Variants in PCSK6 observed in about 807,000 individuals in gnomAD.
PCSK6 encodes paired basic amino acid cleaving enzyme 4.
PCSK6 carries 85 observed loss-of-function variants against 123.3 expected under a neutral mutation model. The ratio of observed to expected loss-of-function variants is 0.69; its 90% CI spans 0.58 to 0.83. The LOEUF (loss-of-function observed/expected upper bound fraction) is 0.83, where lower values mean the gene tolerates loss of function less well. Among genes scored for constraint, PCSK6 ranks in the 40% least tolerant of loss-of-function variants. PCSK6 has a pLI of 0.00. For missense variants in PCSK6, 1,191 were observed against 1,282.3 expected (o/e 0.93, Z 1.09); for synonymous variants, 508 against 516.0 (o/e 0.98, Z 0.21).
chr15:101,320,432 GCTT>G (rs898736051), intron 18 of PCSK6, among the ~76,000 whole-genome samples: 90 of 152,348 alleles, frequency 5.9e-4, no homozygotes, highest in African/African-American at 2.1e-3. Flanking sequence ...CTGGAGAACT[GCTT>G]GGTGTGTGGG....
rs2041556747 is a variant in PCSK6, at chr15:101,370,663, C to T, written c.1533-140G>A. The T allele has an allele frequency of 1.4e-5, 9 of 638,696 alleles. No homozygotes were observed. In the South Asian group the frequency reaches 3.4e-4, roughly 24 times the overall value. The allele number at this position is 638,696 out of a possible 1,614,324, so 39.6% of individuals were successfully genotyped here. A position where few individuals can be genotyped will look rare whatever the true frequency, so the allele number is the denominator to read the frequency against. ...GGGCCCCGGGGAGCCGCAGCAGCCT[C>T]TGACTGCCTCACGTGGATGCTCCAC... is the stretch of plus-strand genomic sequence containing the variant. On this transcript the variant is annotated intron_variant, in intron 11 of 21. Transcript: ENST00000611716.
chr15:101,390,438 G>A (rs1256214458), intron 8 of PCSK6, among the ~76,000 whole-genome samples: 1 of 129,598 alleles, frequency 7.7e-6, no homozygotes, highest in East Asian at 2.3e-4. Context: ...CTTAAACCAG[G>A]AAGATTATCC....
At chr15:101,486,424 A>T (rs2058022701) in intron 1 of PCSK6, among the ~76,000 whole-genome samples, 5 of 151,954 alleles carry the variant, frequency 3.3e-5, no homozygotes, top group Admixed American at 3.3e-4. Context: ...TTGCTGATCA[A>T]CTCCCTTATT....
chr15:101,366,172 A>G, intron 13 of PCSK6, 24 bp downstream of exon 13: 2 of 1,602,632 alleles, frequency 1.2e-6, no homozygotes. Context: ...AAAAGCTGTC[A>G]TGAGATTCCC....
At chr15:101,343,501 C>T (rs1327731170) in intron 13 of PCSK6, among the ~76,000 whole-genome samples, 1 of 152,126 alleles carries the variant, frequency 6.6e-6, no homozygotes, top group Non-Finnish European at 1.5e-5. Context: ...TGTCTAACTA[C>T]AGCTTTAGCT....
chr15:101,403,903 T>C (rs1331730488), intron 6 of PCSK6, among the ~76,000 whole-genome samples: 1 of 152,156 alleles, frequency 6.6e-6, no homozygotes, highest in Admixed American at 6.5e-5. Flanking sequence ...TGCTTTTTAG[T>C]AGAAACGGGG....
chr15:101,322,175 C>T (rs1478546209), intron 18 of PCSK6, among the ~76,000 whole-genome samples: 7 of 152,234 alleles, frequency 4.6e-5, no homozygotes, highest in East Asian at 3.9e-4. Flanking sequence ...GTGGGTGAGC[C>T]GCTACAGCCC....
intron 6 of PCSK6, among the ~76,000 whole-genome samples, chr15:101,400,461 G>T (rs2042555585): frequency 6.6e-6 from 1 of 152,138 alleles, no homozygotes; most frequent in Non-Finnish European, 1.5e-5. Context: ...TCAACACGTA[G>T]TGCATACTCA....
chr15:101,316,910 G>GTTTTTGTTTTTTT (rs2040002295), intron 19 of PCSK6, among the ~76,000 whole-genome samples: 1 of 114,972 alleles, frequency 8.7e-6, no homozygotes, highest in African/African-American at 3.9e-5. Flanking sequence ...ACTTAATTCT[G>GTTTTTGTTTTTTT]TTTTTTTTTT....
chr15:101,427,743 A>T lies in PCSK6; in HGVS notation c.823+149T>A. 4.9e-6 allele frequency: 3 copies of T among 607,038 alleles called. No individual in the cohort carries two copies. The South Asian group carries it at 6.1e-5, about 12-fold the overall frequency. 37.6% of individuals were successfully genotyped at this position (607,038 alleles called of 1,614,324 possible). A position where few individuals can be genotyped will look rare whatever the true frequency, so the allele number is the denominator to read the frequency against. ...CTGTGGGTCAGCTGCCTGGGCCATGATACAGACGGCACTGCTGCGTCTGGC... is the reference window on the plus strand; with the variant it reads ...CTGTGGGTCAGCTGCCTGGGCCATGTTACAGACGGCACTGCTGCGTCTGGC... On this transcript the variant is annotated intron_variant, in intron 6 of 21. Coordinates refer to ENST00000611716, the MANE Select transcript of PCSK6 (RefSeq NM_002570.5).
chr15:101,391,992 C>T (rs547721876), intron 8 of PCSK6, among the ~76,000 whole-genome samples: 6 of 152,342 alleles, frequency 3.9e-5, no homozygotes, highest in Admixed American at 6.5e-5. Flanking sequence ...CACACGCTGA[C>T]GTGATTCGTA....
chr15:101,354,668 A>G (rs188448839), intron 13 of PCSK6, among the ~76,000 whole-genome samples: 1 of 152,386 alleles, frequency 6.6e-6, no homozygotes, highest in African/African-American at 2.4e-5. Context: ...CTCTTCACGT[A>G]ATGGAAATTC....
Position 101,305,116 on chromosome 15 carries a change from T to TG in PCSK6, c.*141dup. 1.5e-6 allele frequency: 1 copy of TG among 665,824 alleles called. No individual in the cohort carries two copies. The highest frequency in any genetic ancestry group is 2.6e-6 in the Non-Finnish European group (1 of 384,330). The allele number at this position is 665,824 out of a possible 1,614,324, so 41.2% of individuals were successfully genotyped here. A position where few individuals can be genotyped will look rare whatever the true frequency, so the allele number is the denominator to read the frequency against. ...AGAGCCACCACCCACCTGGCTTGGG[T>TG]GCTCAGAGATGCTGCTCCTGGGGAG... On this transcript the variant is annotated 3_prime_UTR_variant, in exon 22 of 22. Coordinates refer to ENST00000611716, the MANE Select transcript of PCSK6 (RefSeq NM_002570.5). The surrounding 1 kb of genome is among the most constrained non-coding windows in gnomAD (Gnocchi z 4.8).
At chr15:101,394,994 G>C (rs2042361988) in intron 7 of PCSK6, among the ~76,000 whole-genome samples, 1 of 152,064 alleles carries the variant, frequency 6.6e-6, no homozygotes, top group African/African-American at 2.4e-5. Flanking sequence ...CAGGAAGGTG[G>C]TGTGTGTGTG....
At chr15:101,358,766 G>T (rs1383294941) in intron 13 of PCSK6, among the ~76,000 whole-genome samples, 1 of 152,210 alleles carries the variant, frequency 6.6e-6, no homozygotes, top group Non-Finnish European at 1.5e-5. Flanking sequence ...CTTGGCCTTT[G>T]TTTGAGCCCC....
At chr15:101,489,008 C>T (rs1244468553) in intron 1 of PCSK6, among the ~76,000 whole-genome samples, 23 of 150,214 alleles carry the variant, frequency 1.5e-4, no homozygotes, top group Admixed American at 1.5e-3. Context: ...CGCGCGACGC[C>T]TGAGGCAGCC....
At chr15:101,476,815 T>C (rs1282900380) in intron 1 of PCSK6, among the ~76,000 whole-genome samples, 1 of 152,228 alleles carries the variant, frequency 6.6e-6, no homozygotes. Context: ...ATGCAATGTA[T>C]AATTTTTTAA....
At chr15:101,350,788 A>T (rs74041007) in intron 13 of PCSK6, among the ~76,000 whole-genome samples, 2,322 of 152,334 alleles carry the variant, frequency 0.015, 63 homozygotes, top group African/African-American at 0.052. Context: ...CTCCCCTTAA[A>T]GTGTGCTTGT....
intron 15 of PCSK6, among the ~76,000 whole-genome samples, chr15:101,331,375 C>T (rs1262461810): frequency 6.6e-6 from 1 of 152,240 alleles, no homozygotes; most frequent in African/African-American, 2.4e-5. Flanking sequence ...AGGATCTCTG[C>T]CACGAAGTCC....
Sources: allele counts gnomAD v4.1 joint callset (sites outside exome capture counted in the v4.1 genomes callset), GRCh38; gene constraint gnomAD v4.1.1; non-coding constraint Gnocchi (gnomAD v3.1); transcripts MANE v1.5; gene names NCBI Gene and HGNC (gene_info 2026-07-23, HGNC 2026-07-21).